Variants in RPS6KC1 observed in about 807,000 individuals in gnomAD.
RPS6KC1 encodes inactive ribosomal protein S6 kinase delta-1.
Under a neutral mutation model 103.8 loss-of-function variants are expected in RPS6KC1, and 54 were observed. The observed-to-expected ratio is 0.52, with a 90% CI of 0.42 to 0.65. RPS6KC1 has a LOEUF of 0.65. RPS6KC1 is among the 30% of genes least tolerant of loss of function. RPS6KC1 has a pLI of 0.00. For missense variants in RPS6KC1, 1,151 were observed against 1,253.8 expected, an observed-to-expected ratio of 0.92 and a Z score of 1.24; for synonymous variants, 439 against 438.7, an observed-to-expected ratio of 1.00 and a Z score of -0.01.
At chr1:213,737,219 T>C in the RPS6KC1 span, among the ~76,000 whole-genome samples, 1 of 152,218 alleles carries the variant, frequency 6.6e-6, no homozygotes, top group Non-Finnish European at 1.5e-5. Context: ...TACAACACCA[T>C]CCAAATGAGT....
the RPS6KC1 span, among the ~76,000 whole-genome samples, chr1:213,501,310 T>C: frequency 1.3e-5 from 2 of 152,220 alleles, no homozygotes. Context: ...AATTGTGTTT[T>C]AAAAATTTGA....
the RPS6KC1 span, among the ~76,000 whole-genome samples, chr1:213,676,580 A>G: frequency 6.6e-6 from 1 of 152,182 alleles, no homozygotes; most frequent in Non-Finnish European, 1.5e-5. Context: ...CCCCGGCCCC[A>G]TTGGCTTCAG....
the RPS6KC1 span, among the ~76,000 whole-genome samples, chr1:213,726,310 A>G: frequency 6.6e-6 from 1 of 152,184 alleles, no homozygotes; most frequent in African/African-American, 2.4e-5. Flanking sequence ...TCTGACCCCA[A>G]ACAACCCTCC....
chr1:213,169,781 GTTTT>G (rs67593764), intron 7 of RPS6KC1, among the ~76,000 whole-genome samples: 3 of 133,908 alleles, frequency 2.2e-5, no homozygotes, highest in Non-Finnish European at 4.8e-5. Flanking sequence ...AAATTTTTAA[GTTTT>G]TTTTTTTTTT....
At chr1:213,524,470 G>C in the RPS6KC1 span, among the ~76,000 whole-genome samples, 4 of 151,580 alleles carry the variant, frequency 2.6e-5, no homozygotes, top group Non-Finnish European at 5.9e-5. Context: ...ACTTCTGATA[G>C]AAGAACTGTG....
chr1:213,713,939 T>G, the RPS6KC1 span, among the ~76,000 whole-genome samples: 5 of 152,230 alleles, frequency 3.3e-5, no homozygotes, highest in Non-Finnish European at 7.3e-5. Context: ...TTCTCTTCAT[T>G]TCTTTGTTTT....
chr1:213,183,389 C>A (rs2092378699), intron 8 of RPS6KC1, among the ~76,000 whole-genome samples: 2 of 152,080 alleles, frequency 1.3e-5, no homozygotes, highest in African/African-American at 4.8e-5. Context: ...ATGGAACAGA[C>A]CATTTCTAGG....
At chr1:213,588,979 A>G in the RPS6KC1 span, among the ~76,000 whole-genome samples, 2 of 152,208 alleles carry the variant, frequency 1.3e-5, no homozygotes, top group Admixed American at 1.3e-4. Flanking sequence ...TCTCAGGAGC[A>G]TGGAGAAGCA....
chr1:213,785,943 C>T, the RPS6KC1 span, among the ~76,000 whole-genome samples: 1 of 152,008 alleles, frequency 6.6e-6, no homozygotes, highest in Non-Finnish European at 1.5e-5. Context: ...AACTATTTCC[C>T]TTTAGTTAAG....
the RPS6KC1 span, among the ~76,000 whole-genome samples, chr1:213,351,971 TTTTTTTTC>T: frequency 1.3e-4 from 20 of 152,010 alleles, no homozygotes; most frequent in African/African-American, 4.6e-4. Flanking sequence ...ACTTCAGGAT[TTTTTTTTC>T]TTTTTTTCTT....
At chr1:213,604,436 T>G in the RPS6KC1 span, among the ~76,000 whole-genome samples, 1 of 152,272 alleles carries the variant, frequency 6.6e-6, no homozygotes, top group African/African-American at 2.4e-5. Flanking sequence ...CTGTTATCAA[T>G]AAACTGCACC....
At chr1:213,496,350 T>C in the RPS6KC1 span, among the ~76,000 whole-genome samples, 3 of 152,212 alleles carry the variant, frequency 2.0e-5, no homozygotes, top group East Asian at 5.8e-4. Context: ...AATAACAGTA[T>C]GGCTAAAAAT....
chr1:213,402,082 T>TA, the RPS6KC1 span, among the ~76,000 whole-genome samples: 18,240 of 152,186 alleles, frequency 0.12, 1,408 homozygotes, highest in Non-Finnish European at 0.18. Flanking sequence ...AGTGTATTTT[T>TA]AAAAAATTCA....
At chr1:213,283,356 CA>C in the RPS6KC1 span, among the ~76,000 whole-genome samples, 15 of 152,234 alleles carry the variant, frequency 9.9e-5, 1 homozygote, top group South Asian at 3.1e-3. Context: ...AACTGGATAG[CA>C]AAATAAATTC....
In RPS6KC1 at chr1:213,150,108, A is replaced by G. The variant is rs539401023; in HGVS notation, c.836-17750A>G. Among the ~76,000 whole-genome samples the G allele has an allele frequency of 7.2e-5, 11 of 152,122 alleles. No homozygotes were observed. In the South Asian group the frequency reaches 8.3e-4, roughly 11 times the overall value. On this transcript the variant is annotated intron_variant, in intron 6 of 14. Coordinates refer to ENST00000366960, the MANE Select transcript of RPS6KC1 (RefSeq NM_012424.6). ...GTTTTTTCATCCATTCAGCCAGTCT[A>G]TGTCTTGATTGTAGTTTAGTCCATT...
chr1:213,283,879 G>GT, the RPS6KC1 span, among the ~76,000 whole-genome samples: 9,482 of 149,082 alleles, frequency 0.064, 357 homozygotes, highest in African/African-American at 0.096. Flanking sequence ...AGTTAGAAAT[G>GT]TTTTTTTTTT....
the RPS6KC1 span, among the ~76,000 whole-genome samples, chr1:213,318,611 C>T: frequency 1.3e-5 from 2 of 152,166 alleles, no homozygotes; most frequent in Non-Finnish European, 2.9e-5. Context: ...ATTTAATGGA[C>T]TTATAGTTCC....
chr1:213,662,792 A>C, the RPS6KC1 span, among the ~76,000 whole-genome samples: 2 of 152,152 alleles, frequency 1.3e-5, no homozygotes, highest in Admixed American at 1.3e-4. Context: ...TTTCCATCAC[A>C]GCCCTTTTAC....
the RPS6KC1 span, chr1:213,822,499 T>G: frequency 7.9e-5 from 12 of 152,170 alleles, no homozygotes; most frequent in African/African-American, 2.9e-4. Flanking sequence ...TCCCAAATAT[T>G]TATCTGTGTC....
Sources: allele counts gnomAD v4.1 joint callset (sites outside exome capture counted in the v4.1 genomes callset), GRCh38; gene constraint gnomAD v4.1.1; transcripts MANE v1.5; gene names NCBI Gene and HGNC (gene_info 2026-07-23, HGNC 2026-07-21).